The following RAB11FIP1 variants were observed in gnomAD, a reference collection of about 807,000 sequenced individuals.
The protein encoded by RAB11FIP1 is RAB11 family interacting protein 1, also known as rab11 family-interacting protein 1.
RAB11FIP1 carries 49 observed loss-of-function variants against 83.1 expected under a neutral mutation model. That is an observed-to-expected ratio of 0.59 (90% CI 0.47 to 0.75). RAB11FIP1 has a LOEUF of 0.75. Ranked by LOEUF, RAB11FIP1 falls within the 30% of genes least tolerant of loss-of-function variation. The pLI is 0.00. For synonymous variants in RAB11FIP1, 670 were observed against 656.0 expected (o/e 1.02, Z -0.33); for missense variants, 1,536 against 1,598.7 (o/e 0.96, Z 0.67).
chr8:37,871,879 C>T lies in RAB11FIP1; in HGVS notation c.2923G>A (p.Val975Ile). Reference sequence around the variant, plus strand: ...TCAACCTGATCTCCGTCATCTTCAACCTGATCTATTCTTTCATCATCCGAT... The same window carrying T: ...TCAACCTGATCTCCGTCATCTTCAATCTGATCTATTCTTTCATCATCCGAT... ...VASDDERIDQ[V>I]EDDGDQVEDD... Residue 975 changes from valine to isoleucine, a missense_variant, in exon 4 of 6, where the codon GTT (valine) becomes ATT (isoleucine). Physicochemically the swap from Val to Ile is conservative, Grantham distance 29. Transcript: ENST00000330843. 3 of 1,614,224 alleles carry T rather than the reference C, an allele frequency of 1.9e-6. No individual in the cohort carries two copies. Among genetic ancestry groups the T allele is most frequent in the Non-Finnish European group, 2.5e-6 (3 of 1,180,038 alleles).
chr8:37,874,927 C>A lies in RAB11FIP1; in HGVS notation c.1210G>T (p.Val404Phe). ...TLPSYRPAPL[V>F]SGDLRENMAP... ...ATGTTTTCCCTGAGGTCCCCACTGACCAGTGGGGCAGGTCGGTAGGACGGC... is the reference window on the plus strand; with the variant it reads ...ATGTTTTCCCTGAGGTCCCCACTGAACAGTGGGGCAGGTCGGTAGGACGGC... The change falls in exon 3 of 6, where the codon GTC becomes TTC. Residue 404 changes from valine to phenylalanine, a missense_variant. Coordinates refer to ENST00000330843, the MANE Select transcript of RAB11FIP1 (RefSeq NM_001002814.3). 1.2e-6 allele frequency: 2 copies of A among 1,614,144 alleles called. No individual in the cohort carries two copies. Among genetic ancestry groups the A allele is most frequent in the Middle Eastern group, 3.3e-4 (2 of 6,062 alleles).
intron 1 of RAB11FIP1, among the ~76,000 whole-genome samples, chr8:37,889,044 G>A (rs770293893): frequency 3.6e-4 from 55 of 151,708 alleles, no homozygotes; most frequent in Non-Finnish European, 7.1e-4. Flanking sequence ...TGATCTGCCC[G>A]CCTCGGCCTC....
At chr8:37,866,949 G>C (rs1353248320) in intron 5 of RAB11FIP1, among the ~76,000 whole-genome samples, 1 of 152,146 alleles carries the variant, frequency 6.6e-6, no homozygotes, top group Non-Finnish European at 1.5e-5. Flanking sequence ...TGGCAGCCAG[G>C]CTTACAAATC....
intron 1 of RAB11FIP1, among the ~76,000 whole-genome samples, chr8:37,885,547 G>A (rs1806818001): frequency 6.6e-6 from 1 of 151,608 alleles, no homozygotes; most frequent in Admixed American, 6.6e-5. Context: ...TTTTTTTTTG[G>A]TCAAACACAA....
intron 5 of RAB11FIP1, among the ~76,000 whole-genome samples, chr8:37,863,641 G>A (rs1294384710): frequency 6.6e-6 from 1 of 152,204 alleles, no homozygotes; most frequent in Non-Finnish European, 1.5e-5. Flanking sequence ...GCCTTTGCGG[G>A]CCACAGACAG....
intron 1 of RAB11FIP1, among the ~76,000 whole-genome samples, chr8:37,895,190 G>A (rs377449395): frequency 3.7e-4 from 37 of 99,650 alleles, no homozygotes; most frequent in Non-Finnish European, 5.4e-4. Flanking sequence ...CTCAGCCTCC[G>A]GAATAGCTGG....
intron 5 of RAB11FIP1, 152 bp from the exon 6 acceptor site, chr8:37,863,265 A>G (rs1806280488): frequency 1.6e-6 from 1 of 612,226 alleles, no homozygotes; most frequent in Non-Finnish European, 2.8e-6. Flanking sequence ...TTTCTTTTTG[A>G]GACTGAGTTT....
intron 1 of RAB11FIP1, among the ~76,000 whole-genome samples, chr8:37,890,624 C>T (rs895569607): frequency 1.1e-4 from 16 of 152,058 alleles, no homozygotes; most frequent in African/African-American, 3.1e-4. Context: ...GCCAGCAAGC[C>T]GCAGAAAGTA....
intron 1 of RAB11FIP1, among the ~76,000 whole-genome samples, chr8:37,897,772 T>A (rs1563377346): frequency 6.6e-6 from 1 of 152,036 alleles, no homozygotes; most frequent in African/African-American, 2.4e-5. Flanking sequence ...TTTACTAACA[T>A]GGGGCCCAGG....
chr8:37,866,058 A>G (rs896638142), intron 5 of RAB11FIP1, among the ~76,000 whole-genome samples: 9 of 152,182 alleles, frequency 5.9e-5, no homozygotes, highest in African/African-American at 1.7e-4. Flanking sequence ...AAACAGGGCC[A>G]GGCATGGTGG....
rs539854745 is a variant in RAB11FIP1 at position 37,877,177 on chromosome 8, C to T, written c.746G>A (p.Arg249His). 2.7e-5 allele frequency: 44 copies of T among 1,614,112 alleles called. 1 individual carries two copies. Among genetic ancestry groups the T allele is most frequent in the African/African-American group, 1.3e-4 (10 of 75,028 alleles). The change falls in exon 2 of 6, where the codon CGT (arginine) becomes CAT (histidine). Residue 249 changes from arginine (R) to histidine (H), a missense_variant. Coordinates refer to ENST00000330843, the MANE Select transcript of RAB11FIP1 (RefSeq NM_001002814.3). ...PTSKPEKVLL[R>H]PGDFQSQWDE... Reference sequence around the variant, plus strand: ...CCACTGGGACTGAAAGTCTCCGGGACGAAGCAGCACTTTTTCTGGCTTTGA... The same window carrying T: ...CCACTGGGACTGAAAGTCTCCGGGATGAAGCAGCACTTTTTCTGGCTTTGA...
chr8:37,881,326 C>T (rs974135247), intron 1 of RAB11FIP1, among the ~76,000 whole-genome samples: 1 of 152,206 alleles, frequency 6.6e-6, no homozygotes, highest in Non-Finnish European at 1.5e-5. Flanking sequence ...ACCAAGACTC[C>T]TGCTTTAAAT....
chr8:37,897,223 T>C (rs1299733576), intron 1 of RAB11FIP1, among the ~76,000 whole-genome samples: 1 of 151,464 alleles, frequency 6.6e-6, no homozygotes, highest in Non-Finnish European at 1.5e-5. Flanking sequence ...GCCAGGTAAG[T>C]TTGCATCATC....
Position 37,895,544 on chromosome 8 carries a change from G to A in RAB11FIP1, c.371+3527C>T, listed in dbSNP as rs143040454. 4.4e-3 allele frequency among the ~76,000 whole-genome samples: 665 copies of A among 151,332 alleles called. 4 individuals carry two copies. Among genetic ancestry groups the A allele is most frequent in the African/African-American group, 0.015 (609 of 41,198 alleles). ...TGTTTTGCAGTCACAGTACTTAGCC[G>A]ATTCCCATTTATCTGAGACCCACTA... is the stretch of plus-strand genomic sequence containing the variant. On this transcript the variant is annotated intron_variant, in intron 1 of 5. Coordinates refer to ENST00000330843, the MANE Select transcript of RAB11FIP1 (RefSeq NM_001002814.3).
rs750131321 is a variant in RAB11FIP1, at chr8:37,877,099, A to G, written c.814+10T>C. On this transcript the variant is annotated intron_variant, in intron 2 of 5. Coordinates refer to ENST00000330843, the MANE Select transcript of RAB11FIP1 (RefSeq NM_001002814.3). ...GAAGAGAGGTCAAGCAGGAAGAGGC[A>G]GAAACTCACCATCCGAGGCCGAGGA... The G allele has an allele frequency of 3.1e-6, 5 of 1,600,216 alleles. No homozygotes were observed. Among genetic ancestry groups the G allele is most frequent in the East Asian group, 4.5e-5 (2 of 44,652 alleles).
intron 1 of RAB11FIP1, among the ~76,000 whole-genome samples, chr8:37,881,056 A>T (rs769827274): frequency 6.6e-6 from 1 of 152,194 alleles, no homozygotes; most frequent in Non-Finnish European, 1.5e-5. Flanking sequence ...CTCCTTCTAC[A>T]CTTAGAGGAA....
chr8:37,874,406 T>C (rs1259578569), intron 3 of RAB11FIP1, 109 bp downstream of exon 3: 4 of 847,050 alleles, frequency 4.7e-6, no homozygotes, highest in Non-Finnish European at 7.6e-6. Flanking sequence ...ACCTTTGGCA[T>C]ATATGGGTAC....
chr8:37,868,362 C>T (rs1214739436), intron 5 of RAB11FIP1, among the ~76,000 whole-genome samples: 2 of 148,020 alleles, frequency 1.4e-5, no homozygotes, highest in East Asian at 2.0e-4. Context: ...GTGGAGGTTG[C>T]GGTGAGCCAA....
intron 1 of RAB11FIP1, among the ~76,000 whole-genome samples, chr8:37,888,952 C>T (rs1402169952): frequency 2.0e-5 from 3 of 152,128 alleles, no homozygotes; most frequent in Middle Eastern, 3.4e-3. Context: ...CACCCGCCAC[C>T]GCGCCCAGCT....
Sources: gnomAD v4.1 joint callset for allele counts (sites outside exome capture counted in the v4.1 genomes callset) on GRCh38, gnomAD v4.1.1 for gene constraint, MANE v1.5 for transcripts, NCBI Gene and HGNC (gene_info 2026-07-23, HGNC 2026-07-21) for gene names.